ZRANB1: variants seen among roughly 807,000 people sequenced by gnomAD.
The protein encoded by ZRANB1 is zinc finger RANBP2-type containing 1.
In ZRANB1, 16 loss-of-function variants were observed where a neutral mutation model predicts 80.5. The observed-to-expected ratio is 0.20, with a 90% confidence interval of 0.13 to 0.30. The LOEUF is 0.30. Among genes scored for constraint, ZRANB1 ranks in the 10% least tolerant of loss-of-function variants. The pLI is 1.00. For synonymous variants in ZRANB1, 291 were observed against 293.1 expected (o/e 0.99, Z 0.07); for missense variants, 576 against 862.6 (o/e 0.67, Z 4.16).
the ZRANB1 span, among the ~76,000 whole-genome samples, chr10:124,932,002 C>T: frequency 2.0e-5 from 3 of 152,174 alleles, no homozygotes; most frequent in Non-Finnish European, 4.4e-5. Context: ...TTGCAATCCC[C>T]TGATCTTTTT....
chr10:124,987,804 G>C lies in ZRANB1; in HGVS notation c.*2812G>C, dbSNP rs1194736748. The C allele has an allele frequency of 2.0e-5, 3 of 152,076 alleles. No individual in the cohort carries two copies. Among genetic ancestry groups the C allele is most frequent in the Admixed American group, 2.0e-4 (3 of 15,260 alleles). 9.4% of individuals were successfully genotyped at this position (152,076 alleles called of 1,614,324 possible). ...GGGAAGTATAAGGAAGAGCTCAGAG[G>C]GAGTTTCATACCTGGAATTGTTGGA... On this transcript the variant is annotated 3_prime_UTR_variant, in exon 9 of 9. Transcript: ENST00000359653.
At chr10:124,916,949 C>G in the ZRANB1 span, among the ~76,000 whole-genome samples, 1 of 152,016 alleles carries the variant, frequency 6.6e-6, no homozygotes, top group South Asian at 2.1e-4. Flanking sequence ...CCCGCGGCCG[C>G]CTCCCACACC....
chr10:124,926,358 TAAAAC>T, the ZRANB1 span, among the ~76,000 whole-genome samples: 2 of 152,242 alleles, frequency 1.3e-5, no homozygotes, highest in Non-Finnish European at 2.9e-5. Context: ...TAGTAACACT[TAAAAC>T]ACAAACACAT....
the ZRANB1 span, among the ~76,000 whole-genome samples, chr10:124,916,970 C>T: frequency 6.6e-6 from 1 of 151,984 alleles, no homozygotes; most frequent in Non-Finnish European, 1.5e-5. Flanking sequence ...TCAGTGCCCC[C>T]GCCCCCCGGG....
upstream of ZRANB1, among the ~76,000 whole-genome samples, chr10:124,938,706 GT>G (rs546217856): frequency 0.11 from 16,048 of 146,662 alleles, 878 homozygotes; most frequent in Admixed American, 0.17. Context: ...ACATCATTAC[GT>G]TTTTTTTTTT....
At chr10:124,971,861 ACCTTGAGTTATTGGG>A in intron 2 of ZRANB1, 89 bp from the exon 3 acceptor site, 2 of 1,106,376 alleles carry the variant, frequency 1.8e-6, no homozygotes, top group East Asian at 2.6e-5. Flanking sequence ...ATTAAAGAAA[ACCTTGAGTTATTGGG>A]AAATTTTGCT....
the ZRANB1 span, among the ~76,000 whole-genome samples, chr10:124,928,378 T>G: frequency 6.6e-6 from 1 of 152,112 alleles, no homozygotes; most frequent in Non-Finnish European, 1.5e-5. Flanking sequence ...TCTCCTTAAG[T>G]GTGGATCATC....
the ZRANB1 span, chr10:124,917,006 C>T: frequency 1.3e-5 from 2 of 152,704 alleles, no homozygotes; most frequent in Admixed American, 6.5e-5. Flanking sequence ...CGCCTCCTCT[C>T]TGCTCCTCTC....
chr10:124,940,804 C>T (rs142935917), upstream of ZRANB1, among the ~76,000 whole-genome samples: 1 of 151,932 alleles, frequency 6.6e-6, no homozygotes, highest in East Asian at 1.9e-4. Context: ...TGCTGAAACC[C>T]TATCTCTACT....
At chr10:124,939,665 T>A (rs1951517907), upstream of ZRANB1, among the ~76,000 whole-genome samples, 1 of 152,226 alleles carries the variant, frequency 6.6e-6, no homozygotes, top group Non-Finnish European at 1.5e-5. Flanking sequence ...ATATTGAAAT[T>A]ACTTAGAGTA....
rs747124379 is a variant in ZRANB1 at position 124,942,439 on chromosome 10, T to C, written c.-55T>C. Reference sequence around the variant, plus strand: ...TGGAATGTAGTTATTTTAATAACCATGTCCTAATTATTTATAGCTTCCTGC... The same window carrying C: ...TGGAATGTAGTTATTTTAATAACCACGTCCTAATTATTTATAGCTTCCTGC... On this transcript the variant is annotated 5_prime_UTR_variant, in exon 1 of 9. An upstream start codon of the reference 5' UTR is lost. Transcript: ENST00000359653. 6.2e-6 allele frequency: 10 copies of C among 1,605,814 alleles called. No homozygotes were observed. Among genetic ancestry groups the C allele is most frequent in the East Asian group, 4.5e-5 (2 of 44,678 alleles).
chr10:124,949,648 A>T (rs1951619287), intron 1 of ZRANB1, among the ~76,000 whole-genome samples: 1 of 151,120 alleles, frequency 6.6e-6, no homozygotes, highest in African/African-American at 2.4e-5. Context: ...CAGCTTCCCT[A>T]GTAGCTGGGC....
chr10:124,959,124 A>G lies in ZRANB1; in HGVS notation c.815-7470A>G, dbSNP rs905409573. 2.6e-5 allele frequency among the ~76,000 whole-genome samples: 4 copies of G among 152,250 alleles called. No homozygotes were observed. In the South Asian group the frequency reaches 8.3e-4, roughly 32 times the overall value. ...TAGGGCAAATAGAATTTAGCAAGCC[A>G]GGATAGCTCAGCAGAGGAAGTACAG... is the stretch of plus-strand genomic sequence containing the variant. On this transcript the variant is annotated intron_variant, in intron 1 of 8. Transcript: ENST00000359653.
intron 4 of ZRANB1, among the ~76,000 whole-genome samples, 171 bp from the exon 5 acceptor site, chr10:124,974,029 G>C (rs1951851941): frequency 6.6e-6 from 1 of 152,200 alleles, no homozygotes; most frequent in Non-Finnish European, 1.5e-5. Context: ...AGAGACAGAA[G>C]ATGTTTCAAG....
intron 1 of ZRANB1, among the ~76,000 whole-genome samples, chr10:124,954,854 G>A (rs1245803565): frequency 6.6e-6 from 1 of 151,430 alleles, no homozygotes; most frequent in African/African-American, 2.4e-5. Flanking sequence ...AATTGGCCGG[G>A]CACGGTTTCT....
At chr10:124,937,070 T>C in the ZRANB1 span, among the ~76,000 whole-genome samples, 2 of 152,098 alleles carry the variant, frequency 1.3e-5, no homozygotes, top group African/African-American at 4.8e-5. Flanking sequence ...TTCTCCTGCC[T>C]CAGCCTCCTG....
chr10:124,949,585 G>A (rs1365125583), intron 1 of ZRANB1, among the ~76,000 whole-genome samples: 1 of 147,844 alleles, frequency 6.8e-6, no homozygotes, highest in African/African-American at 2.5e-5. Flanking sequence ...GCAGTGGTGC[G>A]ATCACAGCTC....
the ZRANB1 span, among the ~76,000 whole-genome samples, chr10:124,923,633 C>CT: frequency 6.6e-6 from 1 of 152,016 alleles, no homozygotes; most frequent in South Asian, 2.1e-4. Flanking sequence ...GTTTAACTGA[C>CT]TAACAGTTTC....
the ZRANB1 span, among the ~76,000 whole-genome samples, chr10:124,929,417 C>A: frequency 6.6e-6 from 1 of 151,112 alleles, no homozygotes; most frequent in African/African-American, 2.4e-5. Flanking sequence ...CTCACTGCAA[C>A]GTCCGTCTAC....
Sources: gnomAD v4.1 joint callset for allele counts (sites outside exome capture counted in the v4.1 genomes callset) on GRCh38, gnomAD v4.1.1 for gene constraint, MANE v1.5 for transcripts, NCBI Gene and HGNC (gene_info 2026-07-23, HGNC 2026-07-21) for gene names.